GFRA1: variants seen among roughly 807,000 people sequenced by gnomAD.
GFRA1 encodes the protein GDNF family receptor alpha-1.
GFRA1 carries 16 observed loss-of-function variants against 51.6 expected under a neutral mutation model. That is an observed-to-expected ratio of 0.31 (90% CI 0.21 to 0.47). The LOEUF (loss-of-function observed/expected upper bound fraction) is 0.47. Ranked by LOEUF, GFRA1 falls within the 20% of genes least tolerant of loss-of-function variation. The pLI is 1.00. For missense variants in GFRA1, 530 were observed against 594.3 expected, an observed-to-expected ratio of 0.89 and a Z score of 1.13; for synonymous variants, 270 against 241.3, an observed-to-expected ratio of 1.12 and a Z score of -1.10.
intron 5 of GFRA1, among the ~76,000 whole-genome samples, chr10:116,201,588 T>C (rs1161663424): frequency 6.6e-6 from 1 of 152,010 alleles, no homozygotes; most frequent in African/African-American, 2.4e-5. Context: ...TCCCAAACCA[T>C]TCTTGTAGTA....
intron 9 of GFRA1, among the ~76,000 whole-genome samples, chr10:116,066,114 CAG>C (rs752248689): frequency 6.6e-6 from 1 of 152,060 alleles, no homozygotes; most frequent in Non-Finnish European, 1.5e-5. Flanking sequence ...GTGATACAGA[CAG>C]AGACCTTCCT....
intron 4 of GFRA1, among the ~76,000 whole-genome samples, chr10:116,215,396 T>C (rs2134462874): frequency 6.6e-6 from 1 of 152,258 alleles, no homozygotes; most frequent in East Asian, 1.9e-4. Flanking sequence ...TCCTAAACTA[T>C]AGGGAGTAGT....
At chr10:116,141,119 C>T (rs1958546638) in intron 5 of GFRA1, among the ~76,000 whole-genome samples, 1 of 152,174 alleles carries the variant, frequency 6.6e-6, no homozygotes, top group Admixed American at 6.5e-5. Flanking sequence ...CTAATGTTCA[C>T]GTAAAGATTT....
intron 9 of GFRA1, among the ~76,000 whole-genome samples, chr10:116,068,982 C>T (rs1383582951): frequency 1.3e-5 from 2 of 152,150 alleles, no homozygotes; most frequent in African/African-American, 4.8e-5. Flanking sequence ...ACTAGAAAAG[C>T]ACCTTTTATT....
intron 6 of GFRA1, among the ~76,000 whole-genome samples, chr10:116,111,140 C>T (rs1957194753): frequency 6.6e-6 from 1 of 152,184 alleles, no homozygotes; most frequent in African/African-American, 2.4e-5. Flanking sequence ...TAGCCCAGGC[C>T]AAAGACTGCT....
chr10:116,192,634 C>T (rs1963375369), intron 5 of GFRA1, among the ~76,000 whole-genome samples: 1 of 152,190 alleles, frequency 6.6e-6, no homozygotes, highest in Non-Finnish European at 1.5e-5. Flanking sequence ...GTAGCAACGC[C>T]CTATCTCAAA....
At chr10:116,249,087 A>G (rs373282045) in intron 4 of GFRA1, among the ~76,000 whole-genome samples, 49 of 152,320 alleles carry the variant, frequency 3.2e-4, no homozygotes, top group African/African-American at 1.1e-3. Context: ...CTTTGCTGGA[A>G]CATTCTTCCC....
rs1954596144 is a variant in GFRA1 at position 116,057,451 on chromosome 10, T to A, written c.*6947A>T. The A allele has an allele frequency of 6.6e-6, 1 of 151,852 alleles. No individual in the cohort carries two copies. Among genetic ancestry groups the A allele is most frequent in the Non-Finnish European group, 1.5e-5 (1 of 68,006 alleles). The allele number at this position is 151,852 out of a possible 1,614,324, so 9.4% of individuals were successfully genotyped here. A position where few individuals can be genotyped will look rare whatever the true frequency, so the allele number is the denominator to read the frequency against. On this transcript the variant is annotated 3_prime_UTR_variant, in exon 11 of 11. Coordinates refer to ENST00000355422, the MANE Select transcript of GFRA1 (RefSeq NM_005264.8). Reference sequence around the variant, plus strand: ...AAACCTGCATGAAACAGAACGAACATAAGCTGAAACACACCCTCGGGTTAA... The same window carrying A: ...AAACCTGCATGAAACAGAACGAACAAAAGCTGAAACACACCCTCGGGTTAA...
intron 8 of GFRA1, among the ~76,000 whole-genome samples, 177 bp from the exon 9 acceptor site, chr10:116,090,099 G>A (rs1183228837): frequency 6.6e-6 from 1 of 152,094 alleles, no homozygotes; most frequent in Non-Finnish European, 1.5e-5. Flanking sequence ...GGGGTCAGTT[G>A]CTCAAAAATC....
At chr10:116,113,527 T>A (rs1957294950) in intron 6 of GFRA1, among the ~76,000 whole-genome samples, 1 of 152,170 alleles carries the variant, frequency 6.6e-6, no homozygotes, top group Non-Finnish European at 1.5e-5. Context: ...TGTTTTAACA[T>A]AAATAAGAAG....
At chr10:116,274,034 G>T (rs978330163), upstream of GFRA1, among the ~76,000 whole-genome samples, 4 of 152,202 alleles carry the variant, frequency 2.6e-5, no homozygotes, top group Non-Finnish European at 5.9e-5. Context: ...CCTGGCTTTA[G>T]AAAATTTATA....
At chr10:116,252,173 C>T (rs1292006952) in intron 4 of GFRA1, among the ~76,000 whole-genome samples, 12 of 151,858 alleles carry the variant, frequency 7.9e-5, no homozygotes, top group Admixed American at 3.3e-4. Flanking sequence ...CTACATTCAA[C>T]GCAGGGTACT....
chr10:116,181,534 C>T (rs924951015), intron 5 of GFRA1, among the ~76,000 whole-genome samples: 7 of 152,164 alleles, frequency 4.6e-5, no homozygotes, highest in African/African-American at 1.7e-4. Flanking sequence ...ACAATAATAT[C>T]TCGATGAGCT....
chr10:116,207,583 C>T (rs888075792), intron 5 of GFRA1, among the ~76,000 whole-genome samples: 3 of 151,914 alleles, frequency 2.0e-5, no homozygotes, highest in African/African-American at 7.3e-5. Context: ...TCCTCTGCAT[C>T]GTACTCAGCT....
intron 9 of GFRA1, among the ~76,000 whole-genome samples, chr10:116,080,417 G>A (rs552328049): frequency 5.3e-4 from 80 of 152,090 alleles, no homozygotes; most frequent in African/African-American, 1.9e-3. Flanking sequence ...CTGGGTGATG[G>A]GTGCACCAAA....
chr10:116,154,546 C>T (rs143945490), intron 5 of GFRA1, among the ~76,000 whole-genome samples: 28 of 152,208 alleles, frequency 1.8e-4, no homozygotes, highest in African/African-American at 6.5e-4. Context: ...ATGGTGGCTA[C>T]CTTTGTGGGG....
rs1394927908 is a variant in GFRA1 at position 116,193,070 on chromosome 10, CTG to C, written c.433+18559_433+18560del. On this transcript the variant is annotated intron_variant, in intron 5 of 10. Coordinates refer to ENST00000355422, the MANE Select transcript of GFRA1 (RefSeq NM_005264.8). ...ACTGTTCCTTGGTCAAGCTGGGAAA[CTG>C]TATTTGTCAGGCTAATTTTCAGAAG... 2.6e-5 allele frequency among the ~76,000 whole-genome samples: 4 copies of C among 152,276 alleles called. No homozygotes were observed. The East Asian group carries it at 5.8e-4, about 22-fold the overall frequency.
At chr10:116,191,543 A>G (rs1314803806) in intron 5 of GFRA1, among the ~76,000 whole-genome samples, 2 of 152,244 alleles carry the variant, frequency 1.3e-5, no homozygotes, top group Non-Finnish European at 2.9e-5. Flanking sequence ...TTTTCTGTCT[A>G]TAAGAAAGGG....
intron 5 of GFRA1, among the ~76,000 whole-genome samples, chr10:116,175,190 T>C (rs557280854): frequency 3.3e-4 from 51 of 152,266 alleles, no homozygotes; most frequent in African/African-American, 1.2e-3. Flanking sequence ...GCAAATAAAA[T>C]ACCAACACTG....
Sources: gnomAD v4.1 joint callset for allele counts (sites outside exome capture counted in the v4.1 genomes callset) on GRCh38, gnomAD v4.1.1 for gene constraint, MANE v1.5 for transcripts, NCBI Gene and HGNC (gene_info 2026-07-23, HGNC 2026-07-21) for gene names.